MLIP: variants seen among roughly 807,000 people sequenced by gnomAD.
MLIP encodes muscular LMNA-interacting protein.
A neutral mutation model predicts 84.8 loss-of-function variants in MLIP; 79 were observed. That is an observed-to-expected ratio of 0.93 (90% CI 0.78 to 1.12). The LOEUF is 1.12. Among genes scored for constraint, MLIP ranks in the 50% most tolerant of loss-of-function variants. The pLI, the probability that MLIP is intolerant of heterozygous loss-of-function variation, is 0.00. For missense variants in MLIP, 1,257 were observed against 1,160.6 expected, an observed-to-expected ratio of 1.08 and a Z score of -1.21; for synonymous variants, 504 against 463.0, an observed-to-expected ratio of 1.09 and a Z score of -1.14.
In MLIP at chr6:54,114,517, G is replaced by C. The variant is rs114533865; in HGVS notation, c.96+2942G>C. On this transcript the variant is annotated intron_variant, in intron 1 of 13. Coordinates refer to ENST00000502396, the MANE Select transcript of MLIP (RefSeq NM_001281747.2). ...CTTCCAATTTTTCAACAAATTTTAAGTTTTGTCTTTAAAATGTAGCCAGAA... is the reference window on the plus strand; with the variant it reads ...CTTCCAATTTTTCAACAAATTTTAACTTTTGTCTTTAAAATGTAGCCAGAA... Among the ~76,000 whole-genome samples, 1,269 of 152,168 alleles carry C rather than the reference G, an allele frequency of 8.3e-3. 19 individuals are homozygous for C. Among genetic ancestry groups the C allele is most frequent in the African/African-American group, 0.028 (1,180 of 41,496 alleles).
upstream of MLIP, among the ~76,000 whole-genome samples, chr6:54,109,062 T>G (rs1362053619): frequency 6.7e-6 from 1 of 150,146 alleles, no homozygotes; most frequent in Non-Finnish European, 1.5e-5. Context: ...TATATATGTC[T>G]TTATATATAT....
chr6:54,216,373 G>A (rs1779854494), intron 11 of MLIP: 1 of 985,206 alleles, frequency 1.0e-6, no homozygotes, highest in South Asian at 4.7e-5. Flanking sequence ...TAAAAGACCA[G>A]AATCCAACTA....
At chr6:54,160,674 T>A in intron 7 of MLIP, 66 bp from the exon 8 acceptor site, 2 of 1,493,956 alleles carry the variant, frequency 1.3e-6, no homozygotes, top group East Asian at 2.3e-5. Flanking sequence ...TTTAGTATGA[T>A]GCCTCACAGG....
chr6:54,083,481 C>G, intron 1 of MLIP: 2 of 1,532,344 alleles, frequency 1.3e-6, no homozygotes, highest in Non-Finnish European at 1.7e-6. Context: ...GCAGCTGACA[C>G]AGGCAAGTGT....
rs182196865 is a variant in MLIP, at chr6:54,089,552, T to C, written c.64-31895T>C. Among the ~76,000 whole-genome samples, 4 of 152,256 alleles carry C rather than the reference T, an allele frequency of 2.6e-5. No individual in the cohort carries two copies. In the East Asian group the frequency reaches 7.7e-4, roughly 29 times the overall value. On this transcript the variant is annotated intron_variant, in intron 1 of 12. Coordinates refer to the MLIP transcript ENST00000274897. ...TATCTGATGGATGGCTTATATGACA[T>C]AGCTCTAACTCTGAGACTGTCCCTC... is the stretch of plus-strand genomic sequence containing the variant.
At chr6:54,216,199 C>T in intron 11 of MLIP, 1 of 985,222 alleles carries the variant, frequency 1.0e-6, no homozygotes, top group Non-Finnish European at 1.2e-6. Flanking sequence ...AGAATCACTT[C>T]AATTTTGGAA....
At chr6:54,166,838 T>C (rs1265174951) in intron 8 of MLIP, among the ~76,000 whole-genome samples, 1 of 152,012 alleles carries the variant, frequency 6.6e-6, no homozygotes, top group East Asian at 1.9e-4. Flanking sequence ...TTCTAACAAA[T>C]GTCTTATCCT....
At position 54,169,670 on chromosome 6, in the gene MLIP, TG is replaced by T. The variant is rs538115633; in HGVS notation, c.2544+99del. 50 of 720,698 alleles carry T rather than the reference TG, an allele frequency of 6.9e-5. 1 individual carries two copies. Among genetic ancestry groups the T allele is most frequent in the Admixed American group, 1.5e-4 (4 of 26,818 alleles). The allele number at this position is 720,698 out of a possible 1,614,324, so 44.6% of individuals were successfully genotyped here. ...ATACAGTAATTTAAATAGAATTAAT[TG>T]TTTTTTTATAAGTTGAAGGGTAGGA... On this transcript the variant is annotated intron_variant, in intron 9 of 13. Transcript: ENST00000502396.
chr6:54,251,527 C>T (rs1413497312), intron 12 of MLIP, among the ~76,000 whole-genome samples: 3 of 96,228 alleles, frequency 3.1e-5, no homozygotes, highest in Non-Finnish European at 5.5e-5. Context: ...GGTACAAACA[C>T]AGTATATATA....
chr6:54,249,499 A>G (rs1431682686), intron 12 of MLIP, among the ~76,000 whole-genome samples: 3 of 151,942 alleles, frequency 2.0e-5, no homozygotes, highest in Admixed American at 6.6e-5. Context: ...GCATATTTCT[A>G]TCGAGAGGAG....
intron 10 of MLIP, among the ~76,000 whole-genome samples, chr6:54,193,517 A>C (rs1178703920): frequency 6.6e-6 from 1 of 152,184 alleles, no homozygotes; most frequent in South Asian, 2.1e-4. Flanking sequence ...TGCTTTATGT[A>C]GTTTTGGAAA....
intron 4 of MLIP, among the ~76,000 whole-genome samples, chr6:54,142,254 G>A (rs1181685966): frequency 6.6e-6 from 1 of 152,158 alleles, no homozygotes; most frequent in Non-Finnish European, 1.5e-5. Context: ...CCTGTTCAAA[G>A]ACAGTTTATA....
intron 12 of MLIP, among the ~76,000 whole-genome samples, chr6:54,240,268 T>C (rs1215930894): frequency 6.6e-6 from 1 of 152,196 alleles, no homozygotes; most frequent in African/African-American, 2.4e-5. Flanking sequence ...TATAATAGAA[T>C]TTTGGTGCTG....
At chr6:54,156,042 G>C (rs1168257510) in intron 5 of MLIP, among the ~76,000 whole-genome samples, 1 of 151,946 alleles carries the variant, frequency 6.6e-6, no homozygotes, top group Non-Finnish European at 1.5e-5. Context: ...TAAATCTAGA[G>C]AAACAATATC....
At chr6:54,212,353 T>A (rs1222709378) in intron 11 of MLIP, among the ~76,000 whole-genome samples, 1 of 152,192 alleles carries the variant, frequency 6.6e-6, no homozygotes, top group African/African-American at 2.4e-5. Flanking sequence ...AAATTCTGTG[T>A]TTATGTCTTT....
rs750448526 is a variant in MLIP at position 54,230,895 on chromosome 6, T to G, written c.2900T>G (p.Leu967Arg). 1 of 1,613,926 alleles carries G rather than the reference T, an allele frequency of 6.2e-7. No individual in the cohort carries two copies. The change falls in exon 12 of 14, where the codon CTC (leucine) becomes CGC (arginine). Residue 967 changes from leucine to arginine, a missense_variant. Transcript: ENST00000502396. Reference sequence around the variant, plus strand: ...GAACAGGAGAATTCTCACACCCTCCTCAGTCACAACGCATGCAACAAGGTG... The same window carrying G: ...GAACAGGAGAATTCTCACACCCTCCGCAGTCACAACGCATGCAACAAGGTG... Reference protein sequence around the residue: ...SDEQENSHTLLSHNACNKLSH... With the variant: ...SDEQENSHTLRSHNACNKLSH...
At position 54,230,816 on chromosome 6, in the gene MLIP, G is replaced by A. The variant is rs758322533; in HGVS notation, c.2821G>A (p.Ala941Thr). The A allele has an allele frequency of 1.9e-6, 3 of 1,613,932 alleles. No homozygotes were observed. Among genetic ancestry groups the A allele is most frequent in the South Asian group, 2.2e-5 (2 of 91,072 alleles). ...GCTGCATCCACAGACCCTCTCACATGCTGACTGTCTTGCCCCAGGACCCTT... is the reference window on the plus strand; with the variant it reads ...GCTGCATCCACAGACCCTCTCACATACTGACTGTCTTGCCCCAGGACCCTT... ...SLLHPQTLSH[A>T]DCLAPGPFSH... The change falls in exon 12 of 14, where the codon GCT (alanine) becomes ACT (threonine). Residue 941 changes from alanine to threonine, a missense_variant. Coordinates refer to ENST00000502396, the MANE Select transcript of MLIP (RefSeq NM_001281747.2).
intron 1 of MLIP, among the ~76,000 whole-genome samples, chr6:54,055,904 C>T (rs1405808567): frequency 6.6e-6 from 1 of 152,008 alleles, no homozygotes; most frequent in Non-Finnish European, 1.5e-5. Context: ...TGTGGCAATT[C>T]CTGCTTTCAT....
At chr6:54,228,223 A>G (rs9464039) in intron 11 of MLIP, among the ~76,000 whole-genome samples, 16,013 of 147,632 alleles carry the variant, frequency 0.11, 1,431 homozygotes, top group East Asian at 0.2. Context: ...AAGAGAAAGA[A>G]AAAAGAAACA....
Sources: gnomAD v4.1 joint callset for allele counts (sites outside exome capture counted in the v4.1 genomes callset) on GRCh38, gnomAD v4.1.1 for gene constraint, MANE v1.5 for transcripts, NCBI Gene and HGNC (gene_info 2026-07-23, HGNC 2026-07-21) for gene names.